The following ATP13A1 variants were observed in gnomAD, a reference collection of about 807,000 sequenced individuals.
The protein encoded by ATP13A1 is ATPase 13A1, also known as endoplasmic reticulum transmembrane helix translocase.
ATP13A1 carries 55 observed loss-of-function variants against 134.8 expected under a neutral mutation model. The ratio of observed to expected loss-of-function variants is 0.41; its 90% CI spans 0.33 to 0.51. The LOEUF (loss-of-function observed/expected upper bound fraction) is 0.51. ATP13A1 is among the 20% of genes least tolerant of loss of function. ATP13A1 has a pLI of 0.29. For missense variants in ATP13A1, 1,389 were observed against 1,652.8 expected, an observed-to-expected ratio of 0.84 and a Z score of 2.77; for synonymous variants, 775 against 725.1, an observed-to-expected ratio of 1.07 and a Z score of -1.10.
At chr19:19,659,821 G>A in intron 2 of ATP13A1, 30 bp from the exon 3 acceptor site, 1 of 1,608,024 alleles carries the variant, frequency 6.2e-7, no homozygotes, top group Non-Finnish European at 8.5e-7. Flanking sequence ...TGCCACAGAG[G>A]CCCCTGACCT....
Position 19,657,318 on chromosome 19 carries a change from C to A in ATP13A1, c.750+18G>T. The A allele has an allele frequency of 6.4e-7, 1 of 1,559,622 alleles. No homozygotes were observed. The highest frequency in any genetic ancestry group is 8.7e-7 in the Non-Finnish European group (1 of 1,151,480). On this transcript the variant is annotated intron_variant, in intron 4 of 25. Coordinates refer to ENST00000357324, the MANE Select transcript of ATP13A1 (RefSeq NM_020410.3). ...CCAAGGGAGGAAATGGGGAGATGGG[C>A]CAGAGCTGCTGCTTTACCTGAAATA... is the stretch of plus-strand genomic sequence containing the variant.
intron 17 of ATP13A1, 135 bp from the exon 18 acceptor site, chr19:19,650,075 C>G: frequency 1.3e-6 from 1 of 765,904 alleles, no homozygotes; most frequent in South Asian, 1.8e-5. Context: ...CCAGGTGACC[C>G]CCAGCCCTTC....
rs1316779901 is a variant in ATP13A1, at chr19:19,655,002, A to C, written c.1655+117T>G. 2.7e-6 allele frequency: 4 copies of C among 1,459,378 alleles called. No homozygotes were observed. The highest frequency in any genetic ancestry group is 2.8e-5 in the African/African-American group (2 of 71,116). The allele number at this position is 1,459,378 out of a possible 1,614,324, so 90.4% of individuals were successfully genotyped here. On this transcript the variant is annotated intron_variant, in intron 12 of 25. Coordinates refer to ENST00000357324, the MANE Select transcript of ATP13A1 (RefSeq NM_020410.3). This position sits in a 1 kb window ranked among gnomAD's most constrained non-coding sequence, Gnocchi z 5.7. ...TGGGGAGCCCCTGGAAATGAACCCGAGGCAGGGCCTCTGACGGGCCCTCAC... is the reference window on the plus strand; with the variant it reads ...TGGGGAGCCCCTGGAAATGAACCCGCGGCAGGGCCTCTGACGGGCCCTCAC...
intron 12 of ATP13A1, 108 bp from the exon 13 acceptor site, chr19:19,654,808 G>T: frequency 7.4e-7 from 1 of 1,342,894 alleles, no homozygotes; most frequent in Non-Finnish European, 1.0e-6. Flanking sequence ...CTTGTCACTG[G>T]GGTGGCTTGG....
chr19:19,649,076 C>T (rs934051528), intron 19 of ATP13A1, among the ~76,000 whole-genome samples: 2 of 151,714 alleles, frequency 1.3e-5, no homozygotes, highest in Admixed American at 6.6e-5. Context: ...GAGCCCAGAT[C>T]GTGCCATTGT....
At position 19,649,817 on chromosome 19, in the gene ATP13A1, T is replaced by A; in HGVS notation, c.2459A>T (p.Gln820Leu). 1.2e-6 allele frequency: 2 copies of A among 1,602,482 alleles called. No homozygotes were observed. The highest frequency in any genetic ancestry group is 1.7e-6 in the Non-Finnish European group (2 of 1,177,520). Reference protein sequence around the residue: ...CLTGDGLAHLQATDPQQLLRL... With the variant: ...CLTGDGLAHLLATDPQQLLRL... ...GAGCAGCTGCTGGGGGTCGGTGGCC[T>A]GCAGGTGGGCCAAGCCGTCGCCTGT... Residue 820 changes from glutamine (Q) to leucine (L), a missense_variant, in exon 18 of 26, where the codon CAG (glutamine) becomes CTG (leucine). Coordinates refer to ENST00000357324, the MANE Select transcript of ATP13A1 (RefSeq NM_020410.3).
intron 1 of ATP13A1, among the ~76,000 whole-genome samples, chr19:19,660,307 C>T (rs1485935425): frequency 6.6e-6 from 1 of 151,834 alleles, no homozygotes; most frequent in African/African-American, 2.4e-5. Flanking sequence ...TGTGGCGAAA[C>T]CCTGTCTCAA....
rs747614121 is a variant in ATP13A1, at chr19:19,649,765, G to C, written c.2511C>G (p.Phe837Leu). The C allele has an allele frequency of 1.2e-6, 2 of 1,600,744 alleles. No homozygotes were observed. Among genetic ancestry groups the C allele is most frequent in the East Asian group, 4.5e-5 (2 of 44,626 alleles). ...LLRLIPHVQV[F>L]ARVAPKQKEF... ...CCTTCTGCTTGGGAGCCACACGGGCGAACACCTGCACATGGGGGATGAGGC... is the reference window on the plus strand; with the variant it reads ...CCTTCTGCTTGGGAGCCACACGGGCCAACACCTGCACATGGGGGATGAGGC... Residue 837 changes from phenylalanine (F) to leucine (L), a missense_variant, in exon 18 of 26, where the codon TTC becomes TTG. By Grantham distance (22) the Phe-to-Leu change is conservative. Around this residue, in one of 4 missense-constraint regions of ATP13A1, gnomAD observed 747 missense variants for 956.1 expected, o/e 0.78. Coordinates refer to ENST00000357324, the MANE Select transcript of ATP13A1 (RefSeq NM_020410.3).
Position 19,645,793 on chromosome 19 carries a change from G to A in ATP13A1, c.3361-3C>T, listed in dbSNP as rs1344372252. The A allele has an allele frequency of 3.1e-6, 5 of 1,612,128 alleles. No homozygotes were observed. Among genetic ancestry groups the A allele is most frequent in the African/African-American group, 1.3e-5 (1 of 74,888 alleles). On this transcript the variant is annotated splice_region_variant and splice_polypyrimidine_tract_variant and intron_variant, in intron 24 of 25. Transcript: ENST00000357324. The surrounding 1 kb of genome is among the most constrained non-coding windows in gnomAD (Gnocchi z 4.1). ...AGGCTCTCCATGAAGGGCGGGCCCT[G>A]TGGGGATGAGGGACAGATGGCTTCA...
Position 19,663,676 on chromosome 19 carries a change from C to T in ATP13A1, c.-10G>A. On this transcript the variant is annotated 5_prime_UTR_variant, in exon 1 of 26. Transcript: ENST00000357324. ...CCGCCGCTGCCGCCATCTTTCCTAG[C>T]GCCGCGCTCACTTCCGGGCAGAGGA... 1.6e-6 allele frequency: 2 copies of T among 1,278,312 alleles called. No individual in the cohort carries two copies. The highest frequency in any genetic ancestry group is 3.2e-5 in the East Asian group (1 of 31,254). 79.2% of individuals were successfully genotyped at this position (1,278,312 alleles called of 1,614,324 possible). A position where few individuals can be genotyped will look rare whatever the true frequency, so the allele number is the denominator to read the frequency against.
At chr19:19,651,870 A>G in intron 16 of ATP13A1, 73 bp from the exon 17 acceptor site, 2 of 1,231,850 alleles carry the variant, frequency 1.6e-6, no homozygotes, top group Non-Finnish European at 2.3e-6. Context: ...AAGGCTGCCA[A>G]GTCTCCTTCT....
chr19:19,651,544 A>T, intron 17 of ATP13A1, 145 bp downstream of exon 17: 1 of 578,130 alleles, frequency 1.7e-6, no homozygotes, highest in Non-Finnish European at 3.0e-6. Flanking sequence ...CGAGGTGCCC[A>T]GTGGGCCAGG....
Position 19,655,714 on chromosome 19 carries a change from G to A in ATP13A1, c.1270-60C>T, listed in dbSNP as rs988547539. 5.7e-6 allele frequency: 9 copies of A among 1,574,202 alleles called. No individual in the cohort carries two copies. Among genetic ancestry groups the A allele is most frequent in the African/African-American group, 5.4e-5 (4 of 74,006 alleles). On this transcript the variant is annotated intron_variant, in intron 9 of 25. Coordinates refer to ENST00000357324, the MANE Select transcript of ATP13A1 (RefSeq NM_020410.3). This position sits in a 1 kb window ranked among gnomAD's most constrained non-coding sequence, Gnocchi z 5.7. The stretch of plus-strand genomic sequence containing the variant: ...GGACTCCCTCCAGCAGCTCAGGCCT[G>A]GAAGCGTGGGCCTGGTCTTGGGGTG...
At position 19,645,794 on chromosome 19, in the gene ATP13A1, T is replaced by A. The variant is rs767356591; in HGVS notation, c.3361-4A>T. On this transcript the variant is annotated splice_region_variant and splice_polypyrimidine_tract_variant and intron_variant, in intron 24 of 25. Coordinates refer to ENST00000357324, the MANE Select transcript of ATP13A1 (RefSeq NM_020410.3). This position sits in a 1 kb window ranked among gnomAD's most constrained non-coding sequence, Gnocchi z 4.1. Reference sequence around the variant, plus strand: ...GGCTCTCCATGAAGGGCGGGCCCTGTGGGGATGAGGGACAGATGGCTTCAT... The same window carrying A: ...GGCTCTCCATGAAGGGCGGGCCCTGAGGGGATGAGGGACAGATGGCTTCAT... 5.6e-6 allele frequency: 6 copies of A among 1,073,296 alleles called. No individual in the cohort carries two copies. Among genetic ancestry groups the A allele is most frequent in the Non-Finnish European group, 7.4e-6 (6 of 808,718 alleles). 66.5% of individuals were successfully genotyped at this position (1,073,296 alleles called of 1,614,324 possible).
Position 19,647,730 on chromosome 19 carries a change from G to A in ATP13A1, c.2662C>T (p.Arg888Trp), listed in dbSNP as rs750626716. Residue 888 changes from arginine to tryptophan, a missense_variant, in exon 20 of 26, where the codon CGG becomes TGG. This residue lies in a region of ATP13A1 where 121 missense variants were observed against 104.9 expected (regional missense o/e 1.15). Transcript: ENST00000357324. The surrounding 1 kb of genome is among the most constrained non-coding windows in gnomAD (Gnocchi z 4.8). ...GVALLANAPE[R>W]VVERRRRPRD... ...GGCCGCCGTCGCCGCTCGACAACCC[G>A]CTCAGGGGCATTGGCCAAGAGCGCC... The A allele has an allele frequency of 1.9e-5, 31 of 1,605,068 alleles. No individual in the cohort carries two copies. The highest frequency in any genetic ancestry group is 2.4e-5 in the Non-Finnish European group (28 of 1,178,336).
In ATP13A1 at chr19:19,653,431, A is replaced by G. The variant is rs967558009; in HGVS notation, c.2100+353T>C. Reference sequence around the variant, plus strand: ...AGCCCAGGAAGAAGCCAAGCGGCAGATGTGCCGGTGGTGGAGGCGGAGGGT... The same window carrying G: ...AGCCCAGGAAGAAGCCAAGCGGCAGGTGTGCCGGTGGTGGAGGCGGAGGGT... On this transcript the variant is annotated intron_variant, in intron 15 of 25. Transcript: ENST00000357324. The surrounding 1 kb of genome is among the most constrained non-coding windows in gnomAD (Gnocchi z 4.2). 3.0e-6 allele frequency: 1 copy of G among 334,418 alleles called. No homozygotes were observed. Among genetic ancestry groups the G allele is most frequent in the African/African-American group, 2.1e-5 (1 of 46,842 alleles). The allele number at this position is 334,418 out of a possible 1,614,324, so 20.7% of individuals were successfully genotyped here. A position where few individuals can be genotyped will look rare whatever the true frequency, so the allele number is the denominator to read the frequency against.
chr19:19,658,689 G>A (rs958032782), intron 3 of ATP13A1, among the ~76,000 whole-genome samples: 2 of 152,218 alleles, frequency 1.3e-5, no homozygotes, highest in African/African-American at 2.4e-5. Context: ...TGGTGAAGAT[G>A]AAGGGAGAGG....
intron 3 of ATP13A1, among the ~76,000 whole-genome samples, chr19:19,658,789 T>C (rs527558496): frequency 1.3e-4 from 20 of 152,278 alleles, no homozygotes; most frequent in East Asian, 1.9e-4. Flanking sequence ...CTGAGATGCG[T>C]AGACTCGAAA....
At chr19:19,646,040 T>A (rs1599425463) in intron 23 of ATP13A1, 55 bp from the exon 24 acceptor site, 1 of 1,601,664 alleles carries the variant, frequency 6.2e-7, no homozygotes, top group Admixed American at 1.7e-5. Context: ...TCACACACAC[T>A]GTGTGGCTTC....
Sources: gnomAD v4.1 joint callset for allele counts (sites outside exome capture counted in the v4.1 genomes callset) on GRCh38, gnomAD v4.1.1 for gene constraint, gnomAD v4.1.1 regional missense constraint, Gnocchi (gnomAD v3.1) non-coding constraint, MANE v1.5 for transcripts, NCBI Gene and HGNC (gene_info 2026-07-23, HGNC 2026-07-21) for gene names.